The following RSPH4A variants were observed in gnomAD, a reference collection of about 807,000 sequenced individuals.
RSPH4A encodes radial spoke head component 4A.
In RSPH4A, 47 loss-of-function variants were observed where a neutral mutation model predicts 71.0. The ratio of observed to expected loss-of-function variants is 0.66; its 90% confidence interval spans 0.52 to 0.84. RSPH4A has a LOEUF of 0.84. Ranked by LOEUF, RSPH4A falls within the 40% of genes least tolerant of loss-of-function variation. The pLI is 0.00. For missense variants in RSPH4A, 793 were observed against 855.2 expected, an observed-to-expected ratio of 0.93 and a Z score of 0.91; for synonymous variants, 282 against 302.3, an observed-to-expected ratio of 0.93 and a Z score of 0.70.
At chr6:116,619,869 C>G (rs1404901642) in intron 1 of RSPH4A, among the ~76,000 whole-genome samples, 2 of 152,154 alleles carry the variant, frequency 1.3e-5, no homozygotes, top group Non-Finnish European at 2.9e-5. Flanking sequence ...CAGGCGCCTG[C>G]CACCACACAT....
Position 116,632,350 on chromosome 6 carries a change from A to G in RSPH4A, c.2060A>G (p.Gln687Arg), listed in dbSNP as rs867330180. The stretch of plus-strand genomic sequence containing the variant: ...GATGATCCTAGTGTGGAGGAGGAGC[A>G]GGCTTTCAGGGCTGCACAAGAAGCA... ...EMDDPSVEEE[Q>R]AFRAAQEAVL... Residue 687 changes from glutamine (Q) to arginine (R), a missense_variant, in exon 6 of 6, where the codon CAG (glutamine) becomes CGG (arginine). Coordinates refer to ENST00000229554, the MANE Select transcript of RSPH4A (RefSeq NM_001010892.3). The G allele has an allele frequency of 1.2e-6, 2 of 1,614,128 alleles. No individual in the cohort carries two copies. Among genetic ancestry groups the G allele is most frequent in the African/African-American group, 2.7e-5 (2 of 75,044 alleles).
At chr6:116,617,346 A>G (rs1775527630) in intron 1 of RSPH4A, 37 bp downstream of exon 1, 1 of 1,484,894 alleles carries the variant, frequency 6.7e-7, no homozygotes, top group South Asian at 1.2e-5. Context: ...ATGTTTGGCA[A>G]AGCAAGAGGG....
rs973363361 is a variant in RSPH4A at position 116,617,434 on chromosome 6, G to A, written c.686+125G>A. 4 of 699,546 alleles carry A rather than the reference G, an allele frequency of 5.7e-6. No individual in the cohort carries two copies. The Admixed American group carries it at 1.1e-4, about 20-fold the overall frequency. The allele number at this position is 699,546 out of a possible 1,614,324, so 43.3% of individuals were successfully genotyped here. ...TTTGAAAGATTGTGTTAGTAAAAGA[G>A]AGTTAATGACATAACTCTGGATCAC... On this transcript the variant is annotated intron_variant, in intron 1 of 5. Transcript: ENST00000229554.
Position 116,617,217 on chromosome 6 carries a change from G to T in RSPH4A, c.594G>T (p.Gly198=). The T allele has an allele frequency of 1.9e-6, 3 of 1,614,134 alleles. No individual in the cohort carries two copies. The highest frequency in any genetic ancestry group is 1.7e-6 in the Non-Finnish European group (2 of 1,180,018). Residue 198 remains glycine (G), a synonymous_variant, in exon 1 of 6, where the codon GGG becomes GGT. Coordinates refer to ENST00000229554, the MANE Select transcript of RSPH4A (RefSeq NM_001010892.3). ...SDYDLQQPAP[G]GSEVAPSMLE... ...ATGATTTACAGCAGCCGGCGCCTGG[G>T]GGCTCTGAAGTGGCCCCCAGCATGC...
At chr6:116,620,219 A>G (rs1274127076) in intron 1 of RSPH4A, among the ~76,000 whole-genome samples, 2 of 152,260 alleles carry the variant, frequency 1.3e-5, no homozygotes, top group African/African-American at 4.8e-5. Context: ...AATTTAAAAC[A>G]ATGTGAAAAC....
intron 1 of RSPH4A, among the ~76,000 whole-genome samples, chr6:116,618,627 C>T (rs1367087644): frequency 6.6e-6 from 1 of 152,252 alleles, no homozygotes; most frequent in African/African-American, 2.4e-5. Flanking sequence ...GATTCTCCTA[C>T]CTCAGCCTCC....
At position 116,622,793 on chromosome 6, in the gene RSPH4A, A is replaced by C. The variant is rs377544162; in HGVS notation, c.712A>C (p.Thr238Pro). 6 of 1,606,306 alleles carry C rather than the reference A, an allele frequency of 3.7e-6. No individual in the cohort carries two copies. The highest frequency in any genetic ancestry group is 5.1e-6 in the Non-Finnish European group (6 of 1,173,168). ...ATATGATCATCTTTCTAATATGTTG[A>C]CCAAGATATTAAATGAGCGTCCTGA... ...NLYDHLSNML[T>P]KILNERPENA... Residue 238 changes from threonine (T) to proline (P), a missense_variant, in exon 2 of 6, where the codon ACC becomes CCC. Coordinates refer to ENST00000229554, the MANE Select transcript of RSPH4A (RefSeq NM_001010892.3).
chr6:116,628,648 T>C (rs1775741182), intron 3 of RSPH4A, among the ~76,000 whole-genome samples: 1 of 152,202 alleles, frequency 6.6e-6, no homozygotes, highest in African/African-American at 2.4e-5. Context: ...TGACAGATGA[T>C]GTACAGATTT....
chr6:116,618,258 A>T (rs1222653577), intron 1 of RSPH4A, among the ~76,000 whole-genome samples: 1 of 152,214 alleles, frequency 6.6e-6, no homozygotes, highest in Non-Finnish European at 1.5e-5. Flanking sequence ...TCCATGGAAC[A>T]CTACTAAAAA....
intron 3 of RSPH4A, among the ~76,000 whole-genome samples, 167 bp downstream of exon 3, chr6:116,628,536 G>T (rs989863143): frequency 6.6e-6 from 1 of 152,092 alleles, no homozygotes; most frequent in African/African-American, 2.4e-5. Context: ...ATATACAATT[G>T]CCAGTGTCTA....
intron 5 of RSPH4A, among the ~76,000 whole-genome samples, chr6:116,630,847 ATTTT>A (rs10694358): frequency 1.1e-5 from 1 of 87,614 alleles, no homozygotes; most frequent in African/African-American, 4.7e-5. Context: ...TAATTTTTGT[ATTTT>A]TTTTTTTTTT....
At chr6:116,620,038 C>G (rs1775576307) in intron 1 of RSPH4A, among the ~76,000 whole-genome samples, 1 of 152,170 alleles carries the variant, frequency 6.6e-6, no homozygotes, top group Non-Finnish European at 1.5e-5. Flanking sequence ...ATATTTTAAA[C>G]TACAATTTAC....
Position 116,622,582 on chromosome 6 carries a change from C to G in RSPH4A, c.687-186C>G, listed in dbSNP as rs1317436390. 2.0e-5 allele frequency among the ~76,000 whole-genome samples: 3 copies of G among 152,136 alleles called. 1 individual carries two copies. Among genetic ancestry groups the G allele is most frequent in the Non-Finnish European group, 4.4e-5 (3 of 68,004 alleles). On this transcript the variant is annotated intron_variant, in intron 1 of 5. Coordinates refer to ENST00000229554, the MANE Select transcript of RSPH4A (RefSeq NM_001010892.3). ...GTTATTGAAGTTCCTTAAAAACAAACTGAGTCTGCAAATAGTTGTTCAATA... is the reference window on the plus strand; with the variant it reads ...GTTATTGAAGTTCCTTAAAAACAAAGTGAGTCTGCAAATAGTTGTTCAATA...
intron 1 of RSPH4A, among the ~76,000 whole-genome samples, chr6:116,617,809 A>G (rs1775536753): frequency 6.6e-6 from 1 of 152,190 alleles, no homozygotes; most frequent in Non-Finnish European, 1.5e-5. Context: ...GAAACCCCTT[A>G]GTCCTCGCAA....
Position 116,628,159 on chromosome 6 carries a change from A to G in RSPH4A, c.1452A>G (p.Leu484=). ...TCCCAGGAAATGAGAGTAATTATTT[A>G]CGAGCACAAATTGCCCGAATTTCAG... ...PPFPGNESNY[L]RAQIARISAG... The change falls in exon 3 of 6, where the codon TTA becomes TTG. Residue 484 remains leucine, a synonymous_variant. Transcript: ENST00000229554. The G allele has an allele frequency of 1.2e-6, 2 of 1,614,186 alleles. No homozygotes were observed. The highest frequency in any genetic ancestry group is 1.7e-6 in the Non-Finnish European group (2 of 1,180,032).
chr6:116,621,253 A>G (rs936103106), intron 1 of RSPH4A, among the ~76,000 whole-genome samples: 6 of 152,188 alleles, frequency 3.9e-5, no homozygotes, highest in Non-Finnish European at 7.3e-5. Flanking sequence ...TACAAGAATT[A>G]TTTGAGGAAG....
chr6:116,619,639 A>G (rs897167412), intron 1 of RSPH4A, among the ~76,000 whole-genome samples: 1 of 152,064 alleles, frequency 6.6e-6, no homozygotes, highest in Non-Finnish European at 1.5e-5. Context: ...ATAATTTTAA[A>G]GTCTAAGGAA....
intron 2 of RSPH4A, among the ~76,000 whole-genome samples, chr6:116,626,835 A>ATACAT (rs1228475888): frequency 1.3e-5 from 2 of 152,170 alleles, no homozygotes; most frequent in Non-Finnish European, 1.5e-5. Context: ...TATTTATTCC[A>ATACAT]TACATTACAT....
chr6:116,628,237 A>C lies in RSPH4A; in HGVS notation c.1530A>C (p.Gly510=). Residue 510 remains glycine (G), a synonymous_variant, in exon 3 of 6, where the codon GGA becomes GGC. Coordinates refer to ENST00000229554, the MANE Select transcript of RSPH4A (RefSeq NM_001010892.3). ...LGFYQFGEEE[G]EEEEEAEGGR... ...TTTATCAGTTTGGTGAAGAGGAAGG[A>C]GAGGAGGAGGAAGAGGCAGAAGGTG... is the stretch of plus-strand genomic sequence containing the variant. The C allele has an allele frequency of 6.2e-7, 1 of 1,612,890 alleles. No individual in the cohort carries two copies. Among genetic ancestry groups the C allele is most frequent in the Non-Finnish European group, 8.5e-7 (1 of 1,179,034 alleles).
Sources: allele counts gnomAD v4.1 joint callset (sites outside exome capture counted in the v4.1 genomes callset), GRCh38; gene constraint gnomAD v4.1.1; transcripts MANE v1.5; gene names NCBI Gene and HGNC (gene_info 2026-07-23, HGNC 2026-07-21).